The following SLC16A10 variants were observed in gnomAD, a reference collection of about 807,000 sequenced individuals.
SLC16A10 encodes the protein monocarboxylate transporter 10.
In SLC16A10, 27 loss-of-function variants were observed where a neutral mutation model predicts 40.0. That is an observed-to-expected ratio of 0.67 (90% CI 0.50 to 0.93). The LOEUF (loss-of-function observed/expected upper bound fraction) is 0.93. Ranked by LOEUF, SLC16A10 falls within the 40% of genes least tolerant of loss-of-function variation. The pLI, the probability that SLC16A10 is intolerant of heterozygous loss-of-function variation, is 0.00. For missense variants in SLC16A10, 529 were observed against 658.2 expected, an observed-to-expected ratio of 0.80 and a Z score of 2.15; for synonymous variants, 213 against 249.8, an observed-to-expected ratio of 0.85 and a Z score of 1.39.
chr6:111,200,331 G>A (rs536358046), intron 3 of SLC16A10, among the ~76,000 whole-genome samples: 11 of 152,342 alleles, frequency 7.2e-5, no homozygotes, highest in African/African-American at 2.4e-4. Context: ...AAGAAGCTAA[G>A]ATTACATTTT....
intron 4 of SLC16A10, among the ~76,000 whole-genome samples, chr6:111,214,144 C>T (rs1260725444): frequency 6.6e-6 from 1 of 152,184 alleles, no homozygotes; most frequent in Non-Finnish European, 1.5e-5. Context: ...GTTAATACTT[C>T]TATAGCCTGT....
chr6:111,221,830 T>TA (rs1326858995), intron 5 of SLC16A10, among the ~76,000 whole-genome samples, 173 bp from the exon 6 acceptor site: 3 of 152,038 alleles, frequency 2.0e-5, no homozygotes, highest in Admixed American at 2.0e-4. Context: ...ATGACAACGT[T>TA]AAAGATATGA....
rs1392328388 is a variant in SLC16A10 at position 111,100,988 on chromosome 6, CTCTCTATATATATA to C, written c.343+12895_343+12908del. Among the ~76,000 whole-genome samples the C allele has an allele frequency of 8.0e-3, 622 of 77,626 alleles. 2 individuals carry two copies. The highest frequency in any genetic ancestry group is 0.033 in the African/African-American group (574 of 17,618). The allele number at this position is 77,626 out of a possible 152,430, so 50.9% of individuals were successfully genotyped here. A position where few individuals can be genotyped will look rare whatever the true frequency, so the allele number is the denominator to read the frequency against. On this transcript the variant is annotated intron_variant, in intron 1 of 5. Coordinates refer to ENST00000368851, the MANE Select transcript of SLC16A10 (RefSeq NM_018593.5). Reference sequence around the variant, plus strand: ...TCTCTCTCTCTCTCTCTCTCTCTCTCTCTCTATATATATATATATATATATATATAAATATATGT... The same window carrying C: ...TCTCTCTCTCTCTCTCTCTCTCTCTCTATATATATATATATAAATATATGT...
chr6:111,171,999 A>G (rs1772595049), intron 1 of SLC16A10, among the ~76,000 whole-genome samples: 1 of 152,174 alleles, frequency 6.6e-6, no homozygotes, highest in Admixed American at 6.5e-5. Flanking sequence ...AGGGTCATCT[A>G]CCAAGACAGA....
At chr6:111,207,735 G>C (rs984102918) in intron 4 of SLC16A10, among the ~76,000 whole-genome samples, 2 of 152,116 alleles carry the variant, frequency 1.3e-5, no homozygotes, top group Non-Finnish European at 2.9e-5. Context: ...TCCGAGCAGA[G>C]ACAAACACAT....
At chr6:111,175,080 G>C (rs559652815) in intron 2 of SLC16A10, among the ~76,000 whole-genome samples, 204 of 152,330 alleles carry the variant, frequency 1.3e-3, no homozygotes, top group South Asian at 5.4e-3. Flanking sequence ...TAGATTCTGA[G>C]TGTCAAGTGG....
At chr6:111,164,913 T>G in intron 1 of SLC16A10, among the ~76,000 whole-genome samples, 1 of 152,362 alleles carries the variant, frequency 6.6e-6, no homozygotes, top group East Asian at 1.9e-4. Context: ...TTTCAAATAT[T>G]AAAATCATTT....
chr6:111,143,636 T>C (rs2114505868), intron 1 of SLC16A10, among the ~76,000 whole-genome samples: 1 of 152,226 alleles, frequency 6.6e-6, no homozygotes, highest in South Asian at 2.1e-4. Context: ...TATAAGACAT[T>C]CTGGAAATGG....
intron 1 of SLC16A10, among the ~76,000 whole-genome samples, chr6:111,167,219 A>G (rs543805371): frequency 6.6e-6 from 1 of 152,364 alleles, no homozygotes; most frequent in South Asian, 2.1e-4. Flanking sequence ...AAGTTCTGAT[A>G]CAAAGAAGTG....
At chr6:111,217,481 G>GCA (rs1770781008) in intron 4 of SLC16A10, among the ~76,000 whole-genome samples, 2 of 151,960 alleles carry the variant, frequency 1.3e-5, no homozygotes, top group Non-Finnish European at 2.9e-5. Flanking sequence ...ACGGAGTCTC[G>GCA]CTCTGTCGCC....
intron 3 of SLC16A10, among the ~76,000 whole-genome samples, chr6:111,182,093 G>A (rs1379545291): frequency 6.6e-6 from 1 of 151,922 alleles, no homozygotes; most frequent in Non-Finnish European, 1.5e-5. Flanking sequence ...CCACTTCCCG[G>A]ATTCAAGTGA....
chr6:111,140,162 T>A (rs9387001), intron 1 of SLC16A10, among the ~76,000 whole-genome samples: 4,798 of 152,184 alleles, frequency 0.032, 172 homozygotes, highest in East Asian at 0.16. Flanking sequence ...TAATTTTTTT[T>A]AAAAGAAACA....
chr6:111,160,629 C>T (rs528831162), intron 1 of SLC16A10, among the ~76,000 whole-genome samples: 4 of 152,346 alleles, frequency 2.6e-5, no homozygotes, highest in East Asian at 1.9e-4. Flanking sequence ...CAGCGGTTCC[C>T]GAGCTCTTGT....
At chr6:111,183,019 G>A (rs1430316302) in intron 3 of SLC16A10, among the ~76,000 whole-genome samples, 1 of 152,144 alleles carries the variant, frequency 6.6e-6, no homozygotes, top group East Asian at 1.9e-4. Flanking sequence ...TGTTCTCTAT[G>A]AAGAAGCCAC....
At chr6:111,185,035 A>G (rs1003283873) in intron 3 of SLC16A10, among the ~76,000 whole-genome samples, 1 of 152,172 alleles carries the variant, frequency 6.6e-6, no homozygotes, top group Non-Finnish European at 1.5e-5. Flanking sequence ...ACAAGCCTTC[A>G]TCTCTCTGTG....
At chr6:111,096,400 C>T (rs1468796393) in intron 1 of SLC16A10, among the ~76,000 whole-genome samples, 1 of 152,218 alleles carries the variant, frequency 6.6e-6, no homozygotes, top group African/African-American at 2.4e-5. Context: ...CCTGCCTTGG[C>T]CTGGTGCCAC....
chr6:111,101,352 A>ATTCAAAAAATTGT (rs1771185274), intron 1 of SLC16A10, among the ~76,000 whole-genome samples: 2 of 151,960 alleles, frequency 1.3e-5, no homozygotes, highest in African/African-American at 4.8e-5. Context: ...TGAATTGTAA[A>ATTCAAAAAATTGT]AAAGTAACCT....
chr6:111,158,631 G>T (rs1372414443), intron 1 of SLC16A10, among the ~76,000 whole-genome samples: 1 of 152,104 alleles, frequency 6.6e-6, no homozygotes, highest in Non-Finnish European at 1.5e-5. Flanking sequence ...GGGGGCTGGG[G>T]ACCCCTGCTG....
intron 1 of SLC16A10, among the ~76,000 whole-genome samples, chr6:111,109,454 A>AT (rs149807124): frequency 0.063 from 7,333 of 115,732 alleles, 592 homozygotes; most frequent in African/African-American, 0.19. Flanking sequence ...CCTATGCCAC[A>AT]TTTTTTTTTT....
Sources: gnomAD v4.1 joint callset for allele counts (sites outside exome capture counted in the v4.1 genomes callset) on GRCh38, gnomAD v4.1.1 for gene constraint, MANE v1.5 for transcripts, NCBI Gene and HGNC (gene_info 2026-07-23, HGNC 2026-07-21) for gene names.